Variants in SUMF1 observed in about 807,000 individuals in gnomAD.
SUMF1 encodes formylglycine-generating enzyme.
SUMF1 carries 48 observed loss-of-function variants against 47.6 expected under a neutral mutation model. The observed-to-expected ratio is 1.01, with a 90% CI of 0.80 to 1.28. The LOEUF (loss-of-function observed/expected upper bound fraction) is 1.28, where lower values mean the gene tolerates loss of function less well. Ranked by LOEUF, SUMF1 falls within the 50% of genes most tolerant of loss-of-function variation. The pLI, the probability that SUMF1 is intolerant of heterozygous loss-of-function variation, is 0.00. For synonymous variants in SUMF1, 230 were observed against 192.1 expected (o/e 1.20, Z -1.63); for missense variants, 571 against 485.4 (o/e 1.18, Z -1.66).
chr3:4,416,039 C>G (rs1701700696), intron 6 of SUMF1, among the ~76,000 whole-genome samples: 1 of 152,110 alleles, frequency 6.6e-6, no homozygotes, highest in Admixed American at 6.6e-5. Context: ...TATTTTCTTA[C>G]AGTAGCACAA....
chr3:4,293,946 GAAACAT>G (rs1697789599), intron 8 of SUMF1, among the ~76,000 whole-genome samples: 1 of 152,212 alleles, frequency 6.6e-6, no homozygotes, highest in Non-Finnish European at 1.5e-5. Flanking sequence ...GAAAGGCTTA[GAAACAT>G]AAATGGTGAG....
At chr3:4,147,129 C>T (rs1188175153) in intron 8 of SUMF1, among the ~76,000 whole-genome samples, 1 of 152,100 alleles carries the variant, frequency 6.6e-6, no homozygotes, top group Non-Finnish European at 1.5e-5. Flanking sequence ...CATCTCACAC[C>T]AGTTAGAATG....
chr3:4,267,540 T>C (rs1395146446), intron 8 of SUMF1, among the ~76,000 whole-genome samples: 1 of 152,178 alleles, frequency 6.6e-6, no homozygotes, highest in Non-Finnish European at 1.5e-5. Flanking sequence ...TCTCTGATGG[T>C]AGTTTGTATT....
At chr3:4,246,482 A>G (rs1696673534) in intron 8 of SUMF1, among the ~76,000 whole-genome samples, 1 of 151,128 alleles carries the variant, frequency 6.6e-6, no homozygotes, top group Non-Finnish European at 1.5e-5. Flanking sequence ...GCTCACCATA[A>G]CCTCTGCCTC....
At position 4,312,852 on chromosome 3, in the gene SUMF1, A is replaced by C. The variant is rs373545161; in HGVS notation, c.1014+63478T>G. ...AGAAGCTACTTGGAATATATAGGAA[A>C]TATATGACATGCCGTGCTGACTTAC... On this transcript the variant is annotated intron_variant and NMD_transcript_variant, in intron 8 of 12. Coordinates refer to the SUMF1 transcript ENST00000448413. The C allele has an allele frequency of 1.2e-4, 178 of 1,545,432 alleles. No individual in the cohort carries two copies. The African/African-American group carries it at 2.4e-3, about 21-fold the overall frequency.
intron 8 of SUMF1, among the ~76,000 whole-genome samples, chr3:4,099,443 T>C (rs1049508716): frequency 2.0e-5 from 3 of 152,094 alleles, no homozygotes; most frequent in African/African-American, 4.8e-5. Context: ...ACAAATTAGA[T>C]ATAGAAGAAA....
chr3:4,235,098 C>T (rs963279764), intron 8 of SUMF1, among the ~76,000 whole-genome samples: 2 of 152,118 alleles, frequency 1.3e-5, no homozygotes, highest in Non-Finnish European at 2.9e-5. Context: ...CTGCAGTAAC[C>T]TAGCTGAGAA....
chr3:4,280,599 G>A lies in SUMF1; in HGVS notation c.1014+95731C>T, dbSNP rs73117642. On this transcript the variant is annotated intron_variant and NMD_transcript_variant, in intron 8 of 12. Transcript: ENST00000448413. Reference sequence around the variant, plus strand: ...AAAGGTTTGCGTATCAGTTTCCTGGGGCTGTCCTAACAACACGCCACAAAC... The same window carrying A: ...AAAGGTTTGCGTATCAGTTTCCTGGAGCTGTCCTAACAACACGCCACAAAC... 4.1e-3 allele frequency among the ~76,000 whole-genome samples: 620 copies of A among 152,242 alleles called. 6 individuals are homozygous for A. Among genetic ancestry groups the A allele is most frequent in the African/African-American group, 0.014 (572 of 41,546 alleles).
chr3:4,306,117 C>T (rs943219770), intron 8 of SUMF1, among the ~76,000 whole-genome samples: 2 of 152,140 alleles, frequency 1.3e-5, no homozygotes, highest in Non-Finnish European at 2.9e-5. Flanking sequence ...ACAACTGTCA[C>T]GATTAGCTTC....
At chr3:4,204,071 C>G (rs1237006453) in intron 8 of SUMF1, among the ~76,000 whole-genome samples, 1 of 151,916 alleles carries the variant, frequency 6.6e-6, no homozygotes, top group Non-Finnish European at 1.5e-5. Context: ...TACTATTATC[C>G]ATGAGTTTTG....
chr3:4,119,674 G>C (rs761416352), intron 8 of SUMF1, among the ~76,000 whole-genome samples: 7 of 151,818 alleles, frequency 4.6e-5, no homozygotes, highest in Non-Finnish European at 1.0e-4. Flanking sequence ...TGTGAGTCAG[G>C]CTTTGGATCT....
intron 8 of SUMF1, among the ~76,000 whole-genome samples, chr3:4,130,354 C>T (rs766253120): frequency 1.7e-4 from 26 of 152,282 alleles, no homozygotes; most frequent in Middle Eastern, 3.4e-3. Context: ...AAGCAATTTG[C>T]CTTCGGCTAG....
At chr3:4,406,629 C>T (rs1701385718) in intron 7 of SUMF1, among the ~76,000 whole-genome samples, 1 of 152,182 alleles carries the variant, frequency 6.6e-6, no homozygotes. Context: ...CACTGCACTC[C>T]ATCCTGGGTG....
chr3:4,115,924 G>T (rs1430509818), intron 8 of SUMF1, among the ~76,000 whole-genome samples: 1 of 152,100 alleles, frequency 6.6e-6, no homozygotes, highest in Non-Finnish European at 1.5e-5. Flanking sequence ...AGTGAAAACA[G>T]TTCTGGTGTT....
At chr3:4,069,439 T>C (rs1010318209) in intron 8 of SUMF1, among the ~76,000 whole-genome samples, 17 of 152,332 alleles carry the variant, frequency 1.1e-4, no homozygotes, top group African/African-American at 3.8e-4. Context: ...ACTGAACTTA[T>C]ATTTTTTAAG....
At chr3:4,038,513 A>G (rs1694845484) in intron 9 of SUMF1, among the ~76,000 whole-genome samples, 3 of 152,128 alleles carry the variant, frequency 2.0e-5, no homozygotes, top group Admixed American at 6.5e-5. Flanking sequence ...CCTCTGATAA[A>G]TGTGGACTCC....
At chr3:4,067,059 T>A (rs1458156425) in intron 9 of SUMF1, among the ~76,000 whole-genome samples, 1 of 152,140 alleles carries the variant, frequency 6.6e-6, no homozygotes, top group Non-Finnish European at 1.5e-5. Flanking sequence ...CCTCACTGAA[T>A]GCAGTGACCC....
intron 7 of SUMF1, among the ~76,000 whole-genome samples, chr3:4,392,288 T>G (rs890450158): frequency 6.6e-6 from 1 of 152,172 alleles, no homozygotes; most frequent in African/African-American, 2.4e-5. Context: ...TTCTATTTGA[T>G]TCTCTATTTG....
chr3:4,207,685 A>G (rs1695682613), intron 8 of SUMF1, among the ~76,000 whole-genome samples: 1 of 151,998 alleles, frequency 6.6e-6, no homozygotes, highest in African/African-American at 2.4e-5. Flanking sequence ...ACAACAAACA[A>G]AAAACTAAAC....
Sources: gnomAD v4.1 joint callset for allele counts (sites outside exome capture counted in the v4.1 genomes callset) on GRCh38, gnomAD v4.1.1 for gene constraint, MANE v1.5 for transcripts, NCBI Gene and HGNC (gene_info 2026-07-23, HGNC 2026-07-21) for gene names.